Variants in BCAS4 observed in about 807,000 individuals in gnomAD.
BCAS4 encodes the protein breast carcinoma-amplified sequence 4.
In BCAS4, 9 loss-of-function variants were observed where a neutral mutation model predicts 15.7. That is an observed-to-expected ratio of 0.57 (90% confidence interval 0.34 to 1.00). The LOEUF (loss-of-function observed/expected upper bound fraction) is 1.00, where lower values mean the gene tolerates loss of function less well. Ranked by LOEUF, BCAS4 falls within the 50% of genes least tolerant of loss-of-function variation. BCAS4 has a pLI of 0.02. For synonymous variants in BCAS4, 101 were observed against 99.5 expected, an observed-to-expected ratio of 1.02 and a Z score of -0.09; for missense variants, 225 against 239.1, an observed-to-expected ratio of 0.94 and a Z score of 0.39.
intron 1 of BCAS4, among the ~76,000 whole-genome samples, chr20:50,796,481 ATATATATTTTTTTT>A (rs1309524126): frequency 7.8e-4 from 9 of 11,550 alleles, no homozygotes; most frequent in South Asian, 4.2e-3. Flanking sequence ...ATATATATAT[ATATATATTTTTTTT>A]TTTTTTTTTT....
intron 2 of BCAS4, among the ~76,000 whole-genome samples, chr20:50,826,144 T>G (rs2088275810): frequency 6.6e-6 from 1 of 152,226 alleles, no homozygotes; most frequent in Non-Finnish European, 1.5e-5. Flanking sequence ...GAATTAATTA[T>G]CTGCTCTTTG....
At chr20:50,860,577 C>T (rs1979016503) in intron 4 of BCAS4, among the ~76,000 whole-genome samples, 1 of 152,120 alleles carries the variant, frequency 6.6e-6, no homozygotes, top group South Asian at 2.1e-4. Flanking sequence ...CAAGTTGCTA[C>T]ATGAATTAAG....
At chr20:50,803,046 C>T (rs1168057830) in intron 1 of BCAS4, among the ~76,000 whole-genome samples, 1 of 151,516 alleles carries the variant, frequency 6.6e-6, no homozygotes, top group East Asian at 2.0e-4. Context: ...CCAGCTGTGG[C>T]GGTATGCACC....
At chr20:50,807,941 T>G (rs573579160) in intron 1 of BCAS4, among the ~76,000 whole-genome samples, 2 of 145,034 alleles carry the variant, frequency 1.4e-5, no homozygotes, top group Admixed American at 1.4e-4. Flanking sequence ...GGAGTCTCGC[T>G]CTCTTACCCA....
chr20:50,877,572 A>T (rs1042199626), downstream of BCAS4: 5 of 152,236 alleles, frequency 3.3e-5, no homozygotes, highest in Non-Finnish European at 7.3e-5. Flanking sequence ...ATTTCAAGAT[A>T]ATCTGCCTGG....
At chr20:50,861,927 C>T (rs948010767) in intron 4 of BCAS4, among the ~76,000 whole-genome samples, 1 of 138,116 alleles carries the variant, frequency 7.2e-6, no homozygotes, top group African/African-American at 2.7e-5. Flanking sequence ...AATCATGGCT[C>T]ACTGCAGCCT....
intron 4 of BCAS4, among the ~76,000 whole-genome samples, chr20:50,847,270 A>G (rs1372359238): frequency 2.6e-5 from 4 of 152,074 alleles, no homozygotes; most frequent in African/African-American, 9.7e-5. Flanking sequence ...TATTTTTAGT[A>G]GAGACGGAGT....
At chr20:50,859,679 T>G (rs1320165268) in intron 4 of BCAS4, among the ~76,000 whole-genome samples, 1 of 151,922 alleles carries the variant, frequency 6.6e-6, no homozygotes, top group Non-Finnish European at 1.5e-5. Flanking sequence ...GGTGTGGAGC[T>G]TAGGGAGCTT....
At chr20:50,864,216 C>T (rs538779822) in intron 4 of BCAS4, among the ~76,000 whole-genome samples, 1 of 152,280 alleles carries the variant, frequency 6.6e-6, no homozygotes, top group South Asian at 2.1e-4. Context: ...GAGCGGTAGC[C>T]CACGCCCGGG....
At chr20:50,818,132 TAAAAA>T in intron 1 of BCAS4, 74 bp from the exon 2 acceptor site, 1 of 1,198,880 alleles carries the variant, frequency 8.3e-7, no homozygotes, top group Non-Finnish European at 1.2e-6. Flanking sequence ...TAGTTTGCTT[TAAAAA>T]AAAAAAAAAA....
chr20:50,811,701 C>A (rs2088065162), intron 1 of BCAS4, among the ~76,000 whole-genome samples: 1 of 152,230 alleles, frequency 6.6e-6, no homozygotes, highest in Non-Finnish European at 1.5e-5. Flanking sequence ...TGGCTTACTG[C>A]AACCTCCAGC....
intron 4 of BCAS4, among the ~76,000 whole-genome samples, chr20:50,874,495 G>A (rs756038322): frequency 6.6e-6 from 1 of 152,306 alleles, no homozygotes; most frequent in Admixed American, 6.5e-5. Context: ...CCATCAGCCC[G>A]CATCATAGGG....
chr20:50,830,574 G>T (rs1277513769), intron 3 of BCAS4, among the ~76,000 whole-genome samples, 194 bp downstream of exon 3: 1 of 152,240 alleles, frequency 6.6e-6, no homozygotes, highest in Non-Finnish European at 1.5e-5. Context: ...TCCAGGCCAG[G>T]TGCAGTGGCT....
intron 4 of BCAS4, among the ~76,000 whole-genome samples, chr20:50,872,257 CTGTCTCA>C (rs2122686132): frequency 1.2e-5 from 1 of 86,370 alleles, no homozygotes; most frequent in South Asian, 4.5e-4. Context: ...GAGCGAGACT[CTGTCTCA>C]AAAAAAAAAA....
intron 2 of BCAS4, among the ~76,000 whole-genome samples, chr20:50,824,954 C>G (rs1041268647): frequency 6.6e-6 from 1 of 152,122 alleles, no homozygotes; most frequent in African/African-American, 2.4e-5. Context: ...ACTGCCTTTG[C>G]CCGATGAATG....
chr20:50,799,670 G>C (rs2087905091), intron 1 of BCAS4, among the ~76,000 whole-genome samples: 1 of 152,210 alleles, frequency 6.6e-6, no homozygotes, highest in Non-Finnish European at 1.5e-5. Context: ...AGCACCTTCA[G>C]CCTCGGTATG....
chr20:50,848,754 T>G lies in BCAS4; in HGVS notation c.399+6854T>G, dbSNP rs570355765. On this transcript the variant is annotated intron_variant, in intron 4 of 4. Coordinates refer to ENST00000371608, the MANE Select transcript of BCAS4 (RefSeq NM_198799.4). ...GTGCCCTCCAGGCTGCAGGTTTGGT[T>G]GTTTGGAATGTTTCCTCCCCTGGAA... Among the ~76,000 whole-genome samples, 3 of 152,346 alleles carry G rather than the reference T, an allele frequency of 2.0e-5. No homozygotes were observed. The South Asian group carries it at 6.2e-4, about 32-fold the overall frequency.
At chr20:50,850,929 G>A (rs1978376525) in intron 4 of BCAS4, among the ~76,000 whole-genome samples, 1 of 152,210 alleles carries the variant, frequency 6.6e-6, no homozygotes, top group African/African-American at 2.4e-5. Flanking sequence ...TGTAAGGGAG[G>A]TAATGAGGCC....
chr20:50,817,565 C>T (rs1196986619), intron 1 of BCAS4, among the ~76,000 whole-genome samples: 6 of 152,030 alleles, frequency 3.9e-5, no homozygotes, highest in African/African-American at 7.2e-5. Flanking sequence ...TAGGTTCAAG[C>T]GATTCTCCTG....
Sources: gnomAD v4.1 joint callset for allele counts (sites outside exome capture counted in the v4.1 genomes callset) on GRCh38, gnomAD v4.1.1 for gene constraint, MANE v1.5 for transcripts, NCBI Gene and HGNC (gene_info 2026-07-23, HGNC 2026-07-21) for gene names.